Variants in P2RY6 observed in about 807,000 individuals in gnomAD.
The protein encoded by P2RY6 is pyrimidinergic receptor P2Y6.
P2RY6 carries 19 observed loss-of-function variants against 16.3 expected under a neutral mutation model. The ratio of observed to expected loss-of-function variants is 1.16; its 90% CI spans 0.81 to 1.71. The LOEUF (loss-of-function observed/expected upper bound fraction) is 1.71, where lower values mean the gene tolerates loss of function less well. Among genes scored for constraint, P2RY6 ranks in the 40% most tolerant of loss-of-function variants. The pLI is 0.00. For missense variants in P2RY6, 389 were observed against 455.5 expected (o/e 0.85, Z 1.33); for synonymous variants, 184 against 201.5 (o/e 0.91, Z 0.74).
rs113910844 is a variant in P2RY6, at chr11:73,297,567, C to A, written c.*62C>A. Reference sequence around the variant, plus strand: ...TGTGTCCGGGGCACCAGGAGCCCCACCAACCCCAAACCATGCGGAGAATTA... The same window carrying A: ...TGTGTCCGGGGCACCAGGAGCCCCAACAACCCCAAACCATGCGGAGAATTA... On this transcript the variant is annotated 3_prime_UTR_variant, in exon 3 of 3. Coordinates refer to ENST00000540124, the MANE Select transcript of P2RY6 (RefSeq NM_001277204.2). 1.0e-3 allele frequency: 1,313 copies of A among 1,319,432 alleles called. 9 individuals are homozygous for A. In the African/African-American group the frequency reaches 0.017, roughly 17 times the overall value. 81.7% of individuals were successfully genotyped at this position (1,319,432 alleles called of 1,614,324 possible). A position where few individuals can be genotyped will look rare whatever the true frequency, so the allele number is the denominator to read the frequency against.
rs112570814 is a variant in P2RY6 at position 73,297,885 on chromosome 11, A to G, written c.*380A>G. 1,286 of 240,502 alleles carry G rather than the reference A, an allele frequency of 5.3e-3. 17 individuals are homozygous for G. Among genetic ancestry groups the G allele is most frequent in the African/African-American group, 0.028 (1,226 of 43,850 alleles). The allele number at this position is 240,502 out of a possible 1,614,324, so 14.9% of individuals were successfully genotyped here. A position where few individuals can be genotyped will look rare whatever the true frequency, so the allele number is the denominator to read the frequency against. The stretch of plus-strand genomic sequence containing the variant: ...AGAGGGGGAGGTGAGAGCTTCTGGG[A>G]AGGGGCATTTGAGCTGGGTTTTGAG... On this transcript the variant is annotated 3_prime_UTR_variant, in exon 3 of 3. Transcript: ENST00000540124.
intron 1 of P2RY6, among the ~76,000 whole-genome samples, chr11:73,282,999 A>G (rs1863825232): frequency 6.6e-6 from 1 of 152,136 alleles, no homozygotes. Flanking sequence ...CAGAGAGGTA[A>G]AGTCACAGCT....
intron 1 of P2RY6, among the ~76,000 whole-genome samples, chr11:73,284,613 A>G (rs1313233672): frequency 6.6e-6 from 1 of 152,222 alleles, no homozygotes; most frequent in African/African-American, 2.4e-5. Context: ...TTTAATCTCT[A>G]TCTGCTCCCA....
Position 73,296,919 on chromosome 11 carries a change from C to T in P2RY6, c.401C>T (p.Pro134Leu). Residue 134 changes from proline (P) to leucine (L), a missense_variant, in exon 3 of 3, where the codon CCC becomes CTC. Transcript: ENST00000540124. ...RYLGICHPLA[P>L]WHKRGGRRAA... The stretch of plus-strand genomic sequence containing the variant: ...CTGGGCATCTGCCACCCGCTGGCCC[C>T]CTGGCACAAACGTGGGGGCCGCCGG... The T allele has an allele frequency of 6.2e-7, 1 of 1,608,810 alleles. No homozygotes were observed. The highest frequency in any genetic ancestry group is 8.5e-7 in the Non-Finnish European group (1 of 1,180,014).
chr11:73,268,192 GT>G, upstream of P2RY6, among the ~76,000 whole-genome samples: 2 of 152,358 alleles, frequency 1.3e-5, no homozygotes, highest in Admixed American at 1.3e-4. Flanking sequence ...CCACAGGCAT[GT>G]GCTCCTTACA....
intron 1 of P2RY6, among the ~76,000 whole-genome samples, chr11:73,283,978 G>C (rs1863864924): frequency 6.6e-6 from 1 of 152,112 alleles, no homozygotes; most frequent in Admixed American, 6.5e-5. Flanking sequence ...GGATGGGTGA[G>C]GAGAGAAGGT....
rs1591700611 is a variant in P2RY6, at chr11:73,296,439, G to A, written c.-34-46G>A. 4 of 1,536,816 alleles carry A rather than the reference G, an allele frequency of 2.6e-6. No individual in the cohort carries two copies. In the East Asian group the frequency reaches 9.1e-5, roughly 35 times the overall value. ...CCCGAGGAGGGGCAGGGCCTGCTGGGTGGTGAGTGAGCATGTCACTGACAG... is the reference window on the plus strand; with the variant it reads ...CCCGAGGAGGGGCAGGGCCTGCTGGATGGTGAGTGAGCATGTCACTGACAG... On this transcript the variant is annotated intron_variant, in intron 2 of 2. Transcript: ENST00000540124.
At chr11:73,287,191 C>T (rs1020276537) in intron 1 of P2RY6, among the ~76,000 whole-genome samples, 1 of 152,224 alleles carries the variant, frequency 6.6e-6, no homozygotes, top group Non-Finnish European at 1.5e-5. Flanking sequence ...GTATCTCCGT[C>T]GCCCAGGACA....
At position 73,296,807 on chromosome 11, in the gene P2RY6, T is replaced by C. The variant is rs200282374; in HGVS notation, c.289T>C (p.Phe97Leu). The C allele has an allele frequency of 5.8e-5, 94 of 1,610,714 alleles. No individual in the cohort carries two copies. The highest frequency in any genetic ancestry group is 1.6e-4 in the Middle Eastern group (1 of 6,084). Residue 97 changes from phenylalanine to leucine, a missense_variant, in exon 3 of 3, where the codon TTC becomes CTC. Phe to Leu is a conservative substitution (Grantham distance 22, BLOSUM62 0). Transcript: ENST00000540124. ...AQGDHWPFGD[F>L]ACRLVRFLFY... Reference sequence around the variant, plus strand: ...AGGTGATCACTGGCCCTTTGGCGACTTCGCCTGCCGCCTGGTCCGCTTCCT... The same window carrying C: ...AGGTGATCACTGGCCCTTTGGCGACCTCGCCTGCCGCCTGGTCCGCTTCCT...
chr11:73,289,283 G>C (rs936464767), intron 1 of P2RY6: 14 of 152,586 alleles, frequency 9.2e-5, no homozygotes, highest in African/African-American at 3.1e-4. Context: ...TGCTGTGAGG[G>C]GAGGGGCTGC....
At chr11:73,269,057 T>A (rs1863198788), upstream of P2RY6, among the ~76,000 whole-genome samples, 1 of 152,174 alleles carries the variant, frequency 6.6e-6, no homozygotes. Flanking sequence ...ACACTAGGAC[T>A]GAGCTAGCAG....
At chr11:73,291,482 G>T (rs554772020) in intron 1 of P2RY6, among the ~76,000 whole-genome samples, 1 of 152,328 alleles carries the variant, frequency 6.6e-6, no homozygotes, top group South Asian at 2.1e-4. Flanking sequence ...ATCCAACCAG[G>T]AGGTCCACAC....
chr11:73,296,571 G>C lies in P2RY6; in HGVS notation c.53G>C (p.Cys18Ser). Reference sequence around the variant, plus strand: ...GCTCTGGGCTTGCCACCCACCACCTGTGTCTACCGCGAGAACTTCAAGCAA... The same window carrying C: ...GCTCTGGGCTTGCCACCCACCACCTCTGTCTACCGCGAGAACTTCAAGCAA... ...GQALGLPPTT[C>S]VYRENFKQLL... Residue 18 changes from cysteine (C) to serine (S), a missense_variant, in exon 3 of 3, where the codon TGT (cysteine) becomes TCT (serine). By Grantham distance (112) the Cys-to-Ser change is moderately radical. Coordinates refer to ENST00000540124, the MANE Select transcript of P2RY6 (RefSeq NM_001277204.2). 1 of 1,614,234 alleles carries C rather than the reference G, an allele frequency of 6.2e-7. No individual in the cohort carries two copies. Among genetic ancestry groups the C allele is most frequent in the Non-Finnish European group, 8.5e-7 (1 of 1,180,038 alleles).
At chr11:73,294,609 CTGAGAG>C (rs1442411664) in intron 1 of P2RY6, among the ~76,000 whole-genome samples, 3 of 152,218 alleles carry the variant, frequency 2.0e-5, no homozygotes, top group Non-Finnish European at 2.9e-5. Context: ...TCTTTGATAA[CTGAGAG>C]TGACATGGGA....
Position 73,297,866 on chromosome 11 carries a change from G to C in P2RY6, c.*361G>C, listed in dbSNP as rs1326815247. On this transcript the variant is annotated 3_prime_UTR_variant, in exon 3 of 3. Coordinates refer to ENST00000540124, the MANE Select transcript of P2RY6 (RefSeq NM_001277204.2). ...AAGCGGGTGAGGGAAGATGAGAGGGGGAGGTGAGAGCTTCTGGGAAGGGGC... is the reference window on the plus strand; with the variant it reads ...AAGCGGGTGAGGGAAGATGAGAGGGCGAGGTGAGAGCTTCTGGGAAGGGGC... 3.9e-6 allele frequency: 1 copy of C among 256,028 alleles called. No homozygotes were observed. Among genetic ancestry groups the C allele is most frequent in the Non-Finnish European group, 8.0e-6 (1 of 124,616 alleles). The allele number at this position is 256,028 out of a possible 1,614,324, so 15.9% of individuals were successfully genotyped here. A position where few individuals can be genotyped will look rare whatever the true frequency, so the allele number is the denominator to read the frequency against.
In P2RY6 at chr11:73,287,252, A is replaced by G. The variant is rs145444126; in HGVS notation, c.-120-8478A>G. ...TCCAGCAGCTCCTGCCTCACTTTCT[A>G]CTAACTTTGCAAATATTGTGGAAGA... is the stretch of plus-strand genomic sequence containing the variant. On this transcript the variant is annotated intron_variant, in intron 1 of 2. Transcript: ENST00000540124. 2.4e-3 allele frequency among the ~76,000 whole-genome samples: 372 copies of G among 152,246 alleles called. 3 individuals carry two copies. The highest frequency in any genetic ancestry group is 0.01 in the Middle Eastern group (3 of 294).
intron 1 of P2RY6, among the ~76,000 whole-genome samples, chr11:73,282,702 C>A (rs976338433): frequency 5.3e-5 from 8 of 152,108 alleles, no homozygotes; most frequent in African/African-American, 2.4e-5. Flanking sequence ...AAGGACAGAG[C>A]CCAGAGAGGT....
At chr11:73,290,335 G>GAA (rs1206143102) in intron 1 of P2RY6, among the ~76,000 whole-genome samples, 2 of 149,986 alleles carry the variant, frequency 1.3e-5, no homozygotes. Flanking sequence ...AAGAAAGAAA[G>GAA]AAAGAAAGAA....
At chr11:73,274,772 G>T (rs1035038276) in intron 1 of P2RY6, among the ~76,000 whole-genome samples, 7 of 152,208 alleles carry the variant, frequency 4.6e-5, no homozygotes, top group Non-Finnish European at 8.8e-5. Flanking sequence ...GGCAACAGGT[G>T]CCCATTACAG....
Sources: gnomAD v4.1 joint callset for allele counts (sites outside exome capture counted in the v4.1 genomes callset) on GRCh38, gnomAD v4.1.1 for gene constraint, MANE v1.5 for transcripts, NCBI Gene and HGNC (gene_info 2026-07-23, HGNC 2026-07-21) for gene names.